The following MYRIP variants were observed in gnomAD, a reference collection of about 807,000 sequenced individuals.
MYRIP encodes the protein rab effector MyRIP.
MYRIP carries 49 observed loss-of-function variants against 98.0 expected under a neutral mutation model. The observed-to-expected ratio is 0.50, with a 90% CI of 0.40 to 0.63. The LOEUF is 0.63. Ranked by LOEUF, MYRIP falls within the 30% of genes least tolerant of loss-of-function variation. The pLI is 0.00. For missense variants in MYRIP, 1,004 were observed against 1,058.2 expected (o/e 0.95, Z 0.71); for synonymous variants, 404 against 409.5 (o/e 0.99, Z 0.16).
intron 1 of MYRIP, among the ~76,000 whole-genome samples, chr3:39,892,750 G>T (rs2125661415): frequency 6.6e-6 from 1 of 152,240 alleles, no homozygotes; most frequent in African/African-American, 2.4e-5. Context: ...TGTAAGAAAA[G>T]CCACTCATGA....
chr3:39,876,457 C>G (rs1215989047), intron 1 of MYRIP, among the ~76,000 whole-genome samples: 1 of 152,132 alleles, frequency 6.6e-6, no homozygotes, highest in African/African-American at 2.4e-5. Flanking sequence ...TACATTTTGG[C>G]ATGATTTTGC....
intron 10 of MYRIP, among the ~76,000 whole-genome samples, chr3:40,199,456 G>A (rs527604308): frequency 6.6e-6 from 1 of 152,286 alleles, no homozygotes; most frequent in South Asian, 2.1e-4. Context: ...TGTGAGTGTT[G>A]TGGAGCTCTG....
chr3:40,202,993 A>C (rs1385077134), intron 10 of MYRIP, among the ~76,000 whole-genome samples: 2 of 151,732 alleles, frequency 1.3e-5, no homozygotes, highest in Non-Finnish European at 1.5e-5. Context: ...GCAGTGGTGC[A>C]ATGTCGGCTC....
chr3:39,921,618 C>T (rs926720197), intron 2 of MYRIP, among the ~76,000 whole-genome samples: 13 of 152,118 alleles, frequency 8.5e-5, no homozygotes, highest in South Asian at 4.1e-4. Flanking sequence ...CAGTGGCTCA[C>T]GCCTGTAATC....
chr3:40,234,785 G>A (rs941319189), intron 12 of MYRIP, among the ~76,000 whole-genome samples: 4 of 151,922 alleles, frequency 2.6e-5, no homozygotes, highest in African/African-American at 4.8e-5. Flanking sequence ...ACTTGAGGTC[G>A]GGAGTTTGAG....
intron 3 of MYRIP, among the ~76,000 whole-genome samples, chr3:40,122,668 C>T (rs540022928): frequency 5.9e-5 from 9 of 151,618 alleles, no homozygotes; most frequent in Non-Finnish European, 7.4e-5. Context: ...GTCTATAAGA[C>T]GTTTTGATTT....
intron 1 of MYRIP, among the ~76,000 whole-genome samples, chr3:39,870,361 CTTCCAATT>C (rs1457538183): frequency 1.8e-4 from 8 of 44,600 alleles, no homozygotes; most frequent in Non-Finnish European, 3.2e-4. Flanking sequence ...TTGTTCCATT[CTTCCAATT>C]TGTTCCATTC....
chr3:39,979,838 T>C (rs1177136589), intron 2 of MYRIP, among the ~76,000 whole-genome samples: 1 of 152,300 alleles, frequency 6.6e-6, no homozygotes, highest in South Asian at 2.1e-4. Flanking sequence ...ATAAATACTT[T>C]GTCACCTTTA....
intron 4 of MYRIP, among the ~76,000 whole-genome samples, chr3:40,161,221 G>C (rs1474763070): frequency 6.6e-6 from 1 of 152,018 alleles, no homozygotes; most frequent in African/African-American, 2.4e-5. Flanking sequence ...GTCCCTTTCT[G>C]CCCTTGAAAA....
chr3:40,042,956 A>C (rs1375539366), intron 2 of MYRIP, among the ~76,000 whole-genome samples: 1 of 152,176 alleles, frequency 6.6e-6, no homozygotes, highest in African/African-American at 2.4e-5. Context: ...CCACCATAGA[A>C]TATCTCCCTC....
intron 2 of MYRIP, among the ~76,000 whole-genome samples, chr3:39,950,920 T>C (rs1383945499): frequency 6.6e-6 from 1 of 152,208 alleles, no homozygotes; most frequent in Non-Finnish European, 1.5e-5. Flanking sequence ...TATTTTCTGT[T>C]ATACCTTTTT....
intron 2 of MYRIP, among the ~76,000 whole-genome samples, chr3:39,968,821 C>G (rs1367524950): frequency 1.3e-5 from 2 of 151,962 alleles, no homozygotes; most frequent in African/African-American, 4.8e-5. Context: ...TTTTTTGGTT[C>G]CATATGAATT....
At chr3:40,186,795 T>C (rs1194699676) in intron 9 of MYRIP, among the ~76,000 whole-genome samples, 1 of 152,184 alleles carries the variant, frequency 6.6e-6, no homozygotes, top group Non-Finnish European at 1.5e-5. Context: ...AACTACTTAC[T>C]AGCCATGCAT....
chr3:39,845,659 C>T (rs912611738), intron 1 of MYRIP, among the ~76,000 whole-genome samples: 2 of 152,020 alleles, frequency 1.3e-5, no homozygotes, highest in Non-Finnish European at 2.9e-5. Flanking sequence ...TCCAATAAAT[C>T]AGTCAACAAA....
chr3:40,183,397 G>A (rs1046307242), intron 9 of MYRIP, among the ~76,000 whole-genome samples: 8 of 152,184 alleles, frequency 5.3e-5, no homozygotes, highest in African/African-American at 1.4e-4. Flanking sequence ...AAGTCAGCTT[G>A]CCTCTTTAGA....
At chr3:39,885,612 TC>T (rs202029654) in intron 1 of MYRIP, among the ~76,000 whole-genome samples, 3,960 of 152,142 alleles carry the variant, frequency 0.026, 125 homozygotes, top group East Asian at 0.089. Context: ...GGTTCCATTC[TC>T]CCCGTCGCTT....
chr3:40,050,340 G>C (rs2125837963), intron 3 of MYRIP, among the ~76,000 whole-genome samples: 1 of 152,126 alleles, frequency 6.6e-6, no homozygotes, highest in Admixed American at 6.6e-5. Context: ...TCCCTTAAAA[G>C]GTATGCTAAA....
intron 4 of MYRIP, among the ~76,000 whole-genome samples, chr3:40,160,330 T>A (rs1243236706): frequency 5.9e-5 from 9 of 152,340 alleles, no homozygotes; most frequent in South Asian, 4.1e-4. Flanking sequence ...AGGGACCCAC[T>A]TGAGGAGGCA....
In MYRIP at chr3:40,258,183, T is replaced by C. The variant is rs769285618; in HGVS notation, c.*17T>C. ...ATGTACTGACACCATGGAATTCCAC[T>C]GCCAGTGACCCACTGCCTCCGGCCG... On this transcript the variant is annotated 3_prime_UTR_variant, in exon 17 of 17. Coordinates refer to ENST00000302541, the MANE Select transcript of MYRIP (RefSeq NM_015460.4). The C allele has an allele frequency of 1.2e-6, 2 of 1,614,046 alleles. No individual in the cohort carries two copies. The highest frequency in any genetic ancestry group is 2.7e-5 in the African/African-American group (2 of 74,942).
Sources: gnomAD v4.1 joint callset for allele counts (sites outside exome capture counted in the v4.1 genomes callset) on GRCh38, gnomAD v4.1.1 for gene constraint, MANE v1.5 for transcripts, NCBI Gene and HGNC (gene_info 2026-07-23, HGNC 2026-07-21) for gene names.